The following ATP9B variants were observed in gnomAD, a reference collection of about 807,000 sequenced individuals.
ATP9B encodes ATPase phospholipid transporting 9B, also known as probable phospholipid-transporting ATPase IIB.
A neutral mutation model predicts 146.1 loss-of-function variants in ATP9B; 110 were observed. That is an observed-to-expected ratio of 0.75 (90% CI 0.65 to 0.88). ATP9B has a LOEUF of 0.88. Among genes scored for constraint, ATP9B ranks in the 40% least tolerant of loss-of-function variants. The probability of loss-of-function intolerance (pLI) is 0.00; values close to 1 mark genes in which losing one functional copy is unlikely to be tolerated. For synonymous variants in ATP9B, 604 were observed against 569.7 expected, an observed-to-expected ratio of 1.06 and a Z score of -0.86; for missense variants, 1,499 against 1,496.4, an observed-to-expected ratio of 1.00 and a Z score of -0.03.
chr18:79,097,694 A>G (rs567043369), intron 2 of ATP9B, among the ~76,000 whole-genome samples: 1 of 147,478 alleles, frequency 6.8e-6, no homozygotes, highest in East Asian at 2.0e-4. Flanking sequence ...TGTCCCTACA[A>G]AGGACATGAA....
At chr18:79,263,596 G>A (rs2096168436) in intron 12 of ATP9B, among the ~76,000 whole-genome samples, 1 of 152,184 alleles carries the variant, frequency 6.6e-6, no homozygotes, top group Admixed American at 6.5e-5. Flanking sequence ...ACATGGCTGT[G>A]TACAGGACGT....
chr18:79,129,504 C>G (rs1487511534), intron 5 of ATP9B, among the ~76,000 whole-genome samples: 8 of 152,326 alleles, frequency 5.3e-5, no homozygotes, highest in South Asian at 4.1e-4. Flanking sequence ...CTCCTCCCCC[C>G]TGCCCCTCCT....
intron 8 of ATP9B, among the ~76,000 whole-genome samples, chr18:79,184,437 ATCATTTCCC>A (rs1230146406): frequency 6.6e-6 from 1 of 151,896 alleles, no homozygotes; most frequent in Admixed American, 6.6e-5. Flanking sequence ...CTTCTGTGTC[ATCATTTCCC>A]TCCTCAGCCC....
At chr18:79,208,591 G>A (rs1302730058) in intron 10 of ATP9B, among the ~76,000 whole-genome samples, 1 of 152,106 alleles carries the variant, frequency 6.6e-6, no homozygotes, top group African/African-American at 2.4e-5. Flanking sequence ...ATTTGAAAGA[G>A]GATTCATCTT....
intron 1 of ATP9B, among the ~76,000 whole-genome samples, chr18:79,070,928 C>G (rs923990994): frequency 4.0e-5 from 6 of 151,394 alleles, no homozygotes; most frequent in Admixed American, 1.3e-4. Context: ...CTATGCCATT[C>G]TCTTTTGATT....
intron 7 of ATP9B, among the ~76,000 whole-genome samples, chr18:79,164,342 T>G (rs2094931242): frequency 6.6e-6 from 1 of 152,126 alleles, no homozygotes; most frequent in African/African-American, 2.4e-5. Flanking sequence ...CTTAGACAGG[T>G]GGGTTCATGT....
At chr18:79,219,481 T>C (rs2095658239) in intron 11 of ATP9B, among the ~76,000 whole-genome samples, 1 of 152,178 alleles carries the variant, frequency 6.6e-6, no homozygotes, top group African/African-American at 2.4e-5. Context: ...ATAAAAATAT[T>C]AATCATATGG....
chr18:79,143,820 G>T lies in ATP9B; in HGVS notation c.686G>T (p.Ser229Ile). 1 of 1,587,636 alleles carries T rather than the reference G, an allele frequency of 6.3e-7. No individual in the cohort carries two copies. Among genetic ancestry groups the T allele is most frequent in the Non-Finnish European group, 8.5e-7 (1 of 1,169,892 alleles). ...TTTTAAGGTAAAGTGCAAGTTAAGA[G>T]TTCAGACATACAAGTTGGAGACCTC... ...LTVRGKVQVK[S>I]SDIQVGDLII... The change falls in exon 6 of 30, where the codon AGT (serine) becomes ATT (isoleucine). Residue 229 changes from serine to isoleucine, a missense_variant. Physicochemically the swap from Ser to Ile is moderately radical, Grantham distance 142. Coordinates refer to ENST00000426216, the MANE Select transcript of ATP9B (RefSeq NM_198531.5).
At chr18:79,328,175 T>G (rs1415372800) in intron 15 of ATP9B, among the ~76,000 whole-genome samples, 1 of 152,142 alleles carries the variant, frequency 6.6e-6, no homozygotes, top group African/African-American at 2.4e-5. Flanking sequence ...GTTAGTGTGC[T>G]CTCTGTGGTT....
intron 9 of ATP9B, among the ~76,000 whole-genome samples, chr18:79,195,444 A>C (rs2095409392): frequency 6.6e-6 from 1 of 152,202 alleles, no homozygotes; most frequent in South Asian, 2.1e-4. Flanking sequence ...AGAAAACATA[A>C]GTGGGAAGCA....
chr18:79,198,509 AAGTT>A (rs1358169124), intron 9 of ATP9B, among the ~76,000 whole-genome samples: 14 of 152,340 alleles, frequency 9.2e-5, no homozygotes, highest in East Asian at 7.7e-4. Context: ...TCTGAGAAGT[AAGTT>A]AGACCATTTC....
chr18:79,367,358 T>G (rs2097039176), intron 26 of ATP9B, among the ~76,000 whole-genome samples: 1 of 103,416 alleles, frequency 9.7e-6, no homozygotes. Context: ...AGAGCACACA[T>G]ATCTTCACCT....
intron 7 of ATP9B, among the ~76,000 whole-genome samples, chr18:79,167,152 A>T (rs2094981093): frequency 6.6e-6 from 1 of 152,140 alleles, no homozygotes; most frequent in African/African-American, 2.4e-5. Flanking sequence ...AGAGCCACAG[A>T]TCTTCTCTCC....
At chr18:79,071,185 T>C (rs1318920020) in intron 1 of ATP9B, among the ~76,000 whole-genome samples, 2 of 151,478 alleles carry the variant, frequency 1.3e-5, no homozygotes, top group Non-Finnish European at 2.9e-5. Context: ...ATGTGACTTA[T>C]CACCATGGTG....
Position 79,307,063 on chromosome 18 carries a change from GAA to G in ATP9B, c.1605_1606del (p.Ser536CysfsTer3). ...CCCAATCTTCAGCTCCCAAAGTTAG[GAA>G]AAGTGTCAGTAGTCGAATCCATGAA... ...KAQSSAPKVR[K>X]SVSSRIHEAV... On this transcript the variant is annotated frameshift_variant, in exon 15 of 30. Transcript: ENST00000426216. LOFTEE classifies it high-confidence loss of function. The G allele has an allele frequency of 6.2e-7, 1 of 1,614,186 alleles. No homozygotes were observed. Among genetic ancestry groups the G allele is most frequent in the Non-Finnish European group, 8.5e-7 (1 of 1,180,036 alleles).
chr18:79,323,657 T>A (rs2096728365), intron 15 of ATP9B, among the ~76,000 whole-genome samples: 1 of 152,248 alleles, frequency 6.6e-6, no homozygotes, highest in African/African-American at 2.4e-5. Context: ...TAGTGATGGC[T>A]GAATAATACT....
chr18:79,131,800 A>G (rs552507837), intron 5 of ATP9B, among the ~76,000 whole-genome samples: 3 of 152,372 alleles, frequency 2.0e-5, no homozygotes, highest in Admixed American at 6.5e-5. Flanking sequence ...AAGGGTTGCT[A>G]CATGCTACAA....
intron 2 of ATP9B, among the ~76,000 whole-genome samples, chr18:79,099,344 C>G (rs749011344): frequency 1.6e-4 from 24 of 152,130 alleles, no homozygotes; most frequent in Non-Finnish European, 3.4e-4. Flanking sequence ...TCCTCAGCCT[C>G]CTGAGTAGCT....
At chr18:79,101,278 T>C (rs1367596007) in intron 2 of ATP9B, among the ~76,000 whole-genome samples, 1 of 152,166 alleles carries the variant, frequency 6.6e-6, no homozygotes, top group Non-Finnish European at 1.5e-5. Flanking sequence ...CGTTTTAATA[T>C]CAAGAATGTT....
Sources: gnomAD v4.1 joint callset for allele counts (sites outside exome capture counted in the v4.1 genomes callset) on GRCh38, gnomAD v4.1.1 for gene constraint, MANE v1.5 for transcripts, NCBI Gene and HGNC (gene_info 2026-07-23, HGNC 2026-07-21) for gene names.